Variants in CTNNA3 observed in about 807,000 individuals in gnomAD.
The protein encoded by CTNNA3 is catenin alpha-3.
Under a neutral mutation model 95.7 loss-of-function variants are expected in CTNNA3, and 76 were observed. The ratio of observed to expected loss-of-function variants is 0.79; its 90% CI spans 0.66 to 0.96. The LOEUF is 0.96. Among genes scored for constraint, CTNNA3 ranks in the 40% least tolerant of loss-of-function variants. The pLI, the probability that CTNNA3 is intolerant of heterozygous loss-of-function variation, is 0.00. For missense variants in CTNNA3, 1,191 were observed against 1,089.8 expected, an observed-to-expected ratio of 1.09 and a Z score of -1.31; for synonymous variants, 431 against 374.4, an observed-to-expected ratio of 1.15 and a Z score of -1.74.
chr10:67,180,310 C>T lies in CTNNA3; in HGVS notation c.1047+7G>A. On this transcript the variant is annotated splice_region_variant and intron_variant, in intron 7 of 17. Coordinates refer to ENST00000433211, the MANE Select transcript of CTNNA3 (RefSeq NM_013266.4). ...GCTAGGGATGGGAAGGCAAACCAGT[C>T]ACCTACGTTGTTCATGTACTCTGAA... 6.2e-7 allele frequency: 1 copy of T among 1,612,550 alleles called. No homozygotes were observed. The highest frequency in any genetic ancestry group is 8.5e-7 in the Non-Finnish European group (1 of 1,179,380).
At chr10:66,403,623 T>C (rs1345684461) in intron 11 of CTNNA3, among the ~76,000 whole-genome samples, 1 of 152,074 alleles carries the variant, frequency 6.6e-6, no homozygotes, top group Admixed American at 6.6e-5. Context: ...AAGACGTAAT[T>C]TGGGGGGAGA....
At chr10:66,135,239 A>G (rs2083292580) in intron 13 of CTNNA3, among the ~76,000 whole-genome samples, 1 of 152,208 alleles carries the variant, frequency 6.6e-6, no homozygotes, top group Non-Finnish European at 1.5e-5. Context: ...ACTACAAGGA[A>G]CTAGAACTGT....
At chr10:66,182,020 C>A (rs536914766) in intron 13 of CTNNA3, among the ~76,000 whole-genome samples, 81 of 152,080 alleles carry the variant, frequency 5.3e-4, no homozygotes, top group Non-Finnish European at 9.6e-4. Context: ...TAAAAATGTC[C>A]TATGATAATC....
At chr10:66,553,566 A>G (rs1452969674) in intron 10 of CTNNA3, among the ~76,000 whole-genome samples, 1 of 110,028 alleles carries the variant, frequency 9.1e-6, no homozygotes, top group African/African-American at 3.7e-5. Flanking sequence ...TTGCTCTGTC[A>G]CCCAGGCTGG....
chr10:66,163,399 A>G (rs1056183941), intron 13 of CTNNA3, among the ~76,000 whole-genome samples: 1 of 151,490 alleles, frequency 6.6e-6, no homozygotes, highest in African/African-American at 2.4e-5. Context: ...TGCTTTCTCT[A>G]CCCCTGTATT....
At chr10:67,761,252 ACTGTAATT>A (rs1841460236) in intron 1 of CTNNA3, among the ~76,000 whole-genome samples, 1 of 152,190 alleles carries the variant, frequency 6.6e-6, no homozygotes, top group African/African-American at 2.4e-5. Context: ...GAGGCACATG[ACTGTAATT>A]AGCTATGTGA....
intron 9 of CTNNA3, among the ~76,000 whole-genome samples, chr10:66,732,650 C>G (rs529302798): frequency 6.6e-6 from 1 of 152,160 alleles, no homozygotes; most frequent in African/African-American, 2.4e-5. Flanking sequence ...ATTACGAGAA[C>G]AGGAGCATGG....
intron 3 of CTNNA3, among the ~76,000 whole-genome samples, chr10:67,575,277 C>T: frequency 8.7e-6 from 1 of 115,476 alleles, no homozygotes; most frequent in African/African-American, 2.9e-5. Context: ...TTTGTGAAGT[C>T]TTCTTCTTTT....
chr10:65,956,055 T>A (rs1307336424), intron 17 of CTNNA3, among the ~76,000 whole-genome samples: 1 of 152,178 alleles, frequency 6.6e-6, no homozygotes, highest in Non-Finnish European at 1.5e-5. Flanking sequence ...AATTATTGCC[T>A]CAATTTCAGA....
intron 16 of CTNNA3, among the ~76,000 whole-genome samples, chr10:65,978,330 T>C (rs1306440907): frequency 2.6e-5 from 4 of 152,170 alleles, no homozygotes; most frequent in Non-Finnish European, 5.9e-5. Context: ...TCTGGAGCTT[T>C]TAGATCTTTA....
intron 5 of CTNNA3, among the ~76,000 whole-genome samples, chr10:67,430,853 A>ACACC (rs1046467004): frequency 8.7e-5 from 13 of 149,944 alleles, no homozygotes; most frequent in African/African-American, 2.7e-4. Context: ...ACACACACAC[A>ACACC]CCCTCACACA....
chr10:66,318,552 C>T (rs1284294850), intron 12 of CTNNA3, among the ~76,000 whole-genome samples: 1 of 151,958 alleles, frequency 6.6e-6, no homozygotes, highest in Non-Finnish European at 1.5e-5. Flanking sequence ...CCATATGCCA[C>T]ATGTTTTTCC....
chr10:65,965,819 T>C (rs1015529829), intron 17 of CTNNA3, among the ~76,000 whole-genome samples: 1 of 152,134 alleles, frequency 6.6e-6, no homozygotes, highest in African/African-American at 2.4e-5. Context: ...GTTACAGACA[T>C]ATAAATATAC....
At chr10:67,214,147 T>C (rs866300476) in intron 6 of CTNNA3, among the ~76,000 whole-genome samples, 57 of 151,816 alleles carry the variant, frequency 3.8e-4, no homozygotes, top group African/African-American at 1.0e-3. Context: ...ATTATTTGGA[T>C]TTATTTTATT....
chr10:67,159,215 C>T (rs1010448092), intron 7 of CTNNA3, among the ~76,000 whole-genome samples: 6 of 152,226 alleles, frequency 3.9e-5, no homozygotes, highest in Admixed American at 3.3e-4. Context: ...TTGCTCAAAT[C>T]AATCACAACC....
At chr10:66,647,798 C>T (rs763231737) in intron 9 of CTNNA3, among the ~76,000 whole-genome samples, 4 of 151,810 alleles carry the variant, frequency 2.6e-5, no homozygotes, top group Non-Finnish European at 4.4e-5. Flanking sequence ...GGATTACAGG[C>T]GTGAGCCACC....
At chr10:67,080,637 T>C (rs1050954469) in intron 7 of CTNNA3, among the ~76,000 whole-genome samples, 5 of 152,108 alleles carry the variant, frequency 3.3e-5, no homozygotes, top group African/African-American at 9.7e-5. Context: ...CGGCCGGGCA[T>C]GGTGGCTCAC....
chr10:67,647,640 G>T (rs1839758466), intron 1 of CTNNA3, 122 bp from the exon 2 acceptor site: 7 of 665,616 alleles, frequency 1.1e-5, no homozygotes, highest in Non-Finnish European at 1.8e-5. Context: ...ATCAACCATA[G>T]CCCTCAGAGG....
chr10:67,332,031 T>C (rs1044013753), intron 5 of CTNNA3, among the ~76,000 whole-genome samples: 1 of 152,142 alleles, frequency 6.6e-6, no homozygotes, highest in Admixed American at 6.5e-5. Flanking sequence ...AGTGCTAAGA[T>C]AAAGAGTTTA....
Sources: allele counts gnomAD v4.1 joint callset (sites outside exome capture counted in the v4.1 genomes callset), GRCh38; gene constraint gnomAD v4.1.1; transcripts MANE v1.5; gene names NCBI Gene and HGNC (gene_info 2026-07-23, HGNC 2026-07-21).